The following SCN1A variants were observed in gnomAD, a reference collection of about 807,000 sequenced individuals.
SCN1A encodes sodium channel protein type 1 subunit alpha.
In SCN1A, 13 loss-of-function variants were observed where a neutral mutation model predicts 193.7. That is an observed-to-expected ratio of 0.07 (90% CI 0.04 to 0.11). The LOEUF (loss-of-function observed/expected upper bound fraction) is 0.11. Among genes scored for constraint, SCN1A ranks in the 10% least tolerant of loss-of-function variants. The probability of loss-of-function intolerance (pLI) is 1.00; values close to 1 mark genes in which losing one functional copy is unlikely to be tolerated. For synonymous variants in SCN1A, 781 were observed against 843.6 expected, an observed-to-expected ratio of 0.93 and a Z score of 1.29; for missense variants, 1,432 against 2,451.1, an observed-to-expected ratio of 0.58 and a Z score of 8.78.
intron 1 of SCN1A, chr2:166,149,003 A>G (rs577933715): frequency 6.6e-6 from 1 of 152,354 alleles, no homozygotes; most frequent in Non-Finnish European, 1.5e-5. Context: ...GGCATCTGCC[A>G]AGACTGTAGT....
At chr2:166,087,700 C>A (rs1455307494) in intron 2 of SCN1A, among the ~76,000 whole-genome samples, 1 of 152,006 alleles carries the variant, frequency 6.6e-6, no homozygotes, top group Non-Finnish European at 1.5e-5. Context: ...TCTTTTATAG[C>A]AATACTAAAT....
chr2:166,069,112 C>T (rs747198176), intron 4 of SCN1A, among the ~76,000 whole-genome samples: 2 of 152,098 alleles, frequency 1.3e-5, no homozygotes, highest in African/African-American at 2.4e-5. Context: ...CTAAAATGTG[C>T]CTTGCTACAC....
At chr2:166,014,967 A>G (rs552959912) in intron 20 of SCN1A, among the ~76,000 whole-genome samples, 1 of 151,920 alleles carries the variant, frequency 6.6e-6, no homozygotes, top group East Asian at 1.9e-4. Flanking sequence ...TTGTATAGGG[A>G]ATAGAAGAAG....
At chr2:166,106,520 G>A (rs1688712200) in intron 2 of SCN1A, among the ~76,000 whole-genome samples, 1 of 152,028 alleles carries the variant, frequency 6.6e-6, no homozygotes, top group African/African-American at 2.4e-5. Context: ...ATTCTTTAGG[G>A]CACAGGTGAG....
chr2:166,132,844 G>C (rs1385883307), upstream of SCN1A, among the ~76,000 whole-genome samples: 1 of 151,966 alleles, frequency 6.6e-6, no homozygotes, highest in Non-Finnish European at 1.5e-5. Context: ...CCCCGCAACT[G>C]GAATTCACTG....
At chr2:166,108,317 G>T (rs549511260) in intron 2 of SCN1A, among the ~76,000 whole-genome samples, 79 of 152,146 alleles carry the variant, frequency 5.2e-4, no homozygotes, top group African/African-American at 1.8e-3. Context: ...CACAAGTGTT[G>T]GGAAGGATAT....
At chr2:166,099,478 T>G (rs558171742) in intron 2 of SCN1A, among the ~76,000 whole-genome samples, 80 of 148,116 alleles carry the variant, frequency 5.4e-4, no homozygotes, top group African/African-American at 2.0e-3. Flanking sequence ...CTCTCACCAC[T>G]CCTATTCAAC....
chr2:166,021,998 G>A (rs1200432959), intron 19 of SCN1A, among the ~76,000 whole-genome samples: 1 of 152,116 alleles, frequency 6.6e-6, no homozygotes, highest in Non-Finnish European at 1.5e-5. Context: ...AGCTGAGGCA[G>A]GAGAATTGCT....
At chr2:166,148,294 T>C (rs564451677) in intron 1 of SCN1A, among the ~76,000 whole-genome samples, 1 of 152,316 alleles carries the variant, frequency 6.6e-6, no homozygotes, top group African/African-American at 2.4e-5. Flanking sequence ...GCTACCTCTC[T>C]AGGCTTTTCT....
At chr2:166,091,171 CAG>C (rs1459185395) in intron 2 of SCN1A, among the ~76,000 whole-genome samples, 2 of 152,186 alleles carry the variant, frequency 1.3e-5, no homozygotes, top group African/African-American at 4.8e-5. Flanking sequence ...GGAGATGCTG[CAG>C]AGAGGCTAGA....
chr2:166,139,949 G>A (rs758781881), intron 1 of SCN1A, among the ~76,000 whole-genome samples: 3 of 152,132 alleles, frequency 2.0e-5, no homozygotes, highest in Non-Finnish European at 4.4e-5. Context: ...ACTATTTTTA[G>A]ATAAATTCTA....
At position 165,991,098 on chromosome 2, in the gene SCN1A, G is replaced by C. The variant is rs1375655161; in HGVS notation, c.*147C>G. The C allele has an allele frequency of 2.9e-6, 2 of 694,702 alleles. No homozygotes were observed. The highest frequency in any genetic ancestry group is 3.6e-5 in the African/African-American group (2 of 55,586). 43.0% of individuals were successfully genotyped at this position (694,702 alleles called of 1,614,324 possible). A position where few individuals can be genotyped will look rare whatever the true frequency, so the allele number is the denominator to read the frequency against. On this transcript the variant is annotated 3_prime_UTR_variant, in exon 29 of 29. Transcript: ENST00000674923. The stretch of plus-strand genomic sequence containing the variant: ...CACAGTTTGCTGACAAGGGGTCACT[G>C]TCTTATTGTAGGCACTGACCTTAAG...
intron 16 of SCN1A, 158 bp downstream of exon 16, chr2:166,041,073 C>CA (rs1303843676): frequency 7.7e-6 from 5 of 646,752 alleles, no homozygotes; most frequent in Non-Finnish European, 1.1e-5. Context: ...TTATTTTTGG[C>CA]AAAAAAGTAG....
chr2:165,994,844 CTTG>C (rs1292437665), intron 27 of SCN1A, among the ~76,000 whole-genome samples: 1 of 151,736 alleles, frequency 6.6e-6, no homozygotes, highest in African/African-American at 2.4e-5. Flanking sequence ...TAATATTTCA[CTTG>C]TTGTATTCTC....
chr2:166,090,439 A>T (rs1465126386), intron 2 of SCN1A, among the ~76,000 whole-genome samples: 2 of 152,198 alleles, frequency 1.3e-5, no homozygotes, highest in East Asian at 3.9e-4. Context: ...AGAAACCTAT[A>T]AACTTTTGGG....
intron 2 of SCN1A, among the ~76,000 whole-genome samples, chr2:166,122,435 A>C (rs1481617468): frequency 6.6e-6 from 1 of 152,214 alleles, no homozygotes; most frequent in African/African-American, 2.4e-5. Context: ...AAGTTAGATC[A>C]ATAAAGTGTT....
In SCN1A at chr2:166,142,076, G is replaced by A. The variant is rs573354748; in HGVS notation, c.-50+6971C>T. Reference sequence around the variant, plus strand: ...AGAGGGTGGAGGAGAAAGAGGAGGTGCATTCTAAGAAGAGGAGATACATGT... The same window carrying A: ...AGAGGGTGGAGGAGAAAGAGGAGGTACATTCTAAGAAGAGGAGATACATGT... On this transcript the variant is annotated intron_variant, in intron 1 of 26. Coordinates refer to the SCN1A transcript ENST00000635750. Among the ~76,000 whole-genome samples the A allele has an allele frequency of 2.0e-5, 3 of 152,244 alleles. No homozygotes were observed. In the East Asian group the frequency reaches 5.8e-4, roughly 29 times the overall value.
intron 1 of SCN1A, among the ~76,000 whole-genome samples, chr2:166,147,096 C>G (rs1574658418): frequency 7.0e-6 from 1 of 143,788 alleles, no homozygotes; most frequent in Non-Finnish European, 1.5e-5. Flanking sequence ...CCTAGAGCTT[C>G]TGACTCAGTA....
chr2:166,028,861 A>G (rs1476246012), intron 19 of SCN1A, among the ~76,000 whole-genome samples: 1 of 152,134 alleles, frequency 6.6e-6, no homozygotes, highest in Non-Finnish European at 1.5e-5. Context: ...ACAGAGAAGC[A>G]ATTGCCACAC....
Sources: allele counts gnomAD v4.1 joint callset (sites outside exome capture counted in the v4.1 genomes callset), GRCh38; gene constraint gnomAD v4.1.1; transcripts MANE v1.5; gene names NCBI Gene and HGNC (gene_info 2026-07-23, HGNC 2026-07-21).